SPAG16: variants seen among roughly 807,000 people sequenced by gnomAD.
SPAG16 encodes sperm associated antigen 16.
Under a neutral mutation model 80.4 loss-of-function variants are expected in SPAG16, and 86 were observed. The observed-to-expected ratio is 1.07, with a 90% CI of 0.90 to 1.28. The LOEUF (loss-of-function observed/expected upper bound fraction) is 1.28. Ranked by LOEUF, SPAG16 falls within the 50% of genes most tolerant of loss-of-function variation. The probability of loss-of-function intolerance (pLI) is 0.00; values close to 1 mark genes in which losing one functional copy is unlikely to be tolerated. For missense variants in SPAG16, 870 were observed against 765.3 expected (o/e 1.14, Z -1.61); for synonymous variants, 294 against 265.9 (o/e 1.11, Z -1.03).
chr2:213,522,685 G>A (rs954430823), intron 10 of SPAG16, among the ~76,000 whole-genome samples: 21 of 152,058 alleles, frequency 1.4e-4, no homozygotes, highest in African/African-American at 4.3e-4. Flanking sequence ...TGAAATGGGG[G>A]TCTGGGCAGC....
chr2:213,390,468 T>G (rs1440243069), intron 9 of SPAG16, among the ~76,000 whole-genome samples: 1 of 152,188 alleles, frequency 6.6e-6, no homozygotes, highest in Admixed American at 6.5e-5. Flanking sequence ...ACAGAAGGCA[T>G]GTTAGGAAGG....
At chr2:213,404,896 A>G (rs929675532) in intron 9 of SPAG16, among the ~76,000 whole-genome samples, 1 of 151,842 alleles carries the variant, frequency 6.6e-6, no homozygotes, top group Non-Finnish European at 1.5e-5. Context: ...TTGTGTGTAT[A>G]CTTTTTGTTT....
At chr2:213,450,471 C>T (rs1170731377) in intron 9 of SPAG16, among the ~76,000 whole-genome samples, 1 of 152,148 alleles carries the variant, frequency 6.6e-6, no homozygotes, top group African/African-American at 2.4e-5. Context: ...CCTATCTTAG[C>T]TCTTTAGGTG....
At chr2:213,798,509 C>T (rs868629179) in intron 10 of SPAG16, among the ~76,000 whole-genome samples, 1 of 152,146 alleles carries the variant, frequency 6.6e-6, no homozygotes, top group Non-Finnish European at 1.5e-5. Context: ...CCCACCTTGG[C>T]CTCCCAGAAT....
chr2:214,066,493 A>C (rs1239260321), intron 13 of SPAG16, among the ~76,000 whole-genome samples: 1 of 152,148 alleles, frequency 6.6e-6, no homozygotes, highest in Middle Eastern at 3.2e-3. Flanking sequence ...CATTTATTGC[A>C]TATCTCCTTC....
chr2:213,342,376 T>TTA lies in SPAG16; in HGVS notation c.644+2119_644+2120dup, dbSNP rs562141851. On this transcript the variant is annotated intron_variant, in intron 6 of 15. Coordinates refer to ENST00000331683, the MANE Select transcript of SPAG16 (RefSeq NM_024532.5). Reference sequence around the variant, plus strand: ...TATATATATATTACATATATATGTATTATATATATATATAAACACACACTA... The same window carrying TTA: ...TATATATATATTACATATATATGTATTATATATATATATATAAACACACACTA... 9.7e-3 allele frequency among the ~76,000 whole-genome samples: 1,382 copies of TTA among 142,510 alleles called. 13 individuals are homozygous for TTA. The highest frequency in any genetic ancestry group is 0.038 in the South Asian group (178 of 4,626). The allele number at this position is 142,510 out of a possible 152,430, so 93.5% of individuals were successfully genotyped here. A position where few individuals can be genotyped will look rare whatever the true frequency, so the allele number is the denominator to read the frequency against.
At chr2:214,244,394 GA>G (rs5838420) in intron 15 of SPAG16, among the ~76,000 whole-genome samples, 25,409 of 123,898 alleles carry the variant, frequency 0.21, 2,498 homozygotes, top group East Asian at 0.36. Flanking sequence ...CTGAAGTTCC[GA>G]AAAAAAAAAA....
At chr2:213,636,639 T>C (rs2062374991) in intron 10 of SPAG16, among the ~76,000 whole-genome samples, 1 of 152,158 alleles carries the variant, frequency 6.6e-6, no homozygotes, top group South Asian at 2.1e-4. Flanking sequence ...TTCAGCAGTG[T>C]TTTGTAGTTC....
At chr2:213,409,003 T>C (rs547186258) in intron 9 of SPAG16, among the ~76,000 whole-genome samples, 83 of 151,946 alleles carry the variant, frequency 5.5e-4, no homozygotes, top group Non-Finnish European at 9.9e-4. Context: ...ATGAAGGAAG[T>C]TCGCTTTGAA....
At chr2:213,714,289 A>C (rs1574911636) in intron 10 of SPAG16, among the ~76,000 whole-genome samples, 1 of 152,128 alleles carries the variant, frequency 6.6e-6, no homozygotes, top group East Asian at 1.9e-4. Context: ...TCTGCCAAAA[A>C]CTCTCATAAG....
chr2:214,310,373 G>C lies in SPAG16; in HGVS notation c.1721-99767G>C, dbSNP rs1001414858. Among the ~76,000 whole-genome samples, 6 of 152,026 alleles carry C rather than the reference G, an allele frequency of 3.9e-5. No homozygotes were observed. The South Asian group carries it at 8.3e-4, about 21-fold the overall frequency. ...TTCTGCTTGTTGTAGCTATACATTG[G>C]GCATATGAGCCAATTCACTCTCTTC... is the stretch of plus-strand genomic sequence containing the variant. On this transcript the variant is annotated intron_variant, in intron 15 of 15. Coordinates refer to ENST00000331683, the MANE Select transcript of SPAG16 (RefSeq NM_024532.5).
Position 213,379,298 on chromosome 2 carries a change from C to T in SPAG16, c.942+4179C>T, listed in dbSNP as rs139520780. The stretch of plus-strand genomic sequence containing the variant: ...CCATATATTGAATGCTGATTCAGAG[C>T]ATACACACCTTCTGGAGAACTTTGC... On this transcript the variant is annotated intron_variant, in intron 9 of 15. Transcript: ENST00000331683. Among the ~76,000 whole-genome samples, 97 of 152,254 alleles carry T rather than the reference C, an allele frequency of 6.4e-4. No homozygotes were observed. In the East Asian group the frequency reaches 0.017, roughly 26 times the overall value.
At position 214,327,036 on chromosome 2, in the gene SPAG16, T is replaced by G. The variant is rs1490220807; in HGVS notation, c.1721-83104T>G. Among the ~76,000 whole-genome samples the G allele has an allele frequency of 2.7e-5, 4 of 150,660 alleles. No individual in the cohort carries two copies. The East Asian group carries it at 5.9e-4, about 22-fold the overall frequency. The stretch of plus-strand genomic sequence containing the variant: ...TATAAAATCTGACTAGTTTTTAAAC[T>G]CTTACAAGCCATCCACAGAAGACAA... On this transcript the variant is annotated intron_variant, in intron 15 of 15. Coordinates refer to ENST00000331683, the MANE Select transcript of SPAG16 (RefSeq NM_024532.5).
intron 10 of SPAG16, among the ~76,000 whole-genome samples, chr2:213,703,076 T>G (rs1040867763): frequency 2.6e-5 from 4 of 152,204 alleles, no homozygotes; most frequent in Admixed American, 6.5e-5. Flanking sequence ...GTTTTAATGG[T>G]CAGTACACAC....
chr2:213,670,218 G>A (rs965281918), intron 10 of SPAG16, among the ~76,000 whole-genome samples: 3 of 151,790 alleles, frequency 2.0e-5, no homozygotes, highest in Non-Finnish European at 2.9e-5. Context: ...GGATGGTCTC[G>A]ATCTCCTGAC....
intron 11 of SPAG16, among the ~76,000 whole-genome samples, chr2:213,899,663 T>C (rs1328755847): frequency 6.6e-6 from 1 of 152,096 alleles, no homozygotes; most frequent in Non-Finnish European, 1.5e-5. Context: ...ACCACGTTTA[T>C]ATGAGAAACA....
intron 10 of SPAG16, among the ~76,000 whole-genome samples, chr2:213,823,357 C>T (rs1257870285): frequency 1.3e-5 from 2 of 151,740 alleles, no homozygotes; most frequent in Admixed American, 6.6e-5. Context: ...TTTTTATTTG[C>T]TTTGTTTTGT....
intron 15 of SPAG16, among the ~76,000 whole-genome samples, chr2:214,201,888 C>T (rs189109318): frequency 6.6e-6 from 1 of 151,868 alleles, no homozygotes; most frequent in East Asian, 1.9e-4. Context: ...CTCTGTTGCT[C>T]AGGCCAAAGT....
intron 13 of SPAG16, among the ~76,000 whole-genome samples, chr2:214,091,248 CATTTT>C (rs2052180744): frequency 6.6e-6 from 1 of 151,982 alleles, no homozygotes; most frequent in Non-Finnish European, 1.5e-5. Context: ...TTGTTCTAAG[CATTTT>C]ACATTATTAT....
Sources: gnomAD v4.1 joint callset for allele counts (sites outside exome capture counted in the v4.1 genomes callset) on GRCh38, gnomAD v4.1.1 for gene constraint, MANE v1.5 for transcripts, NCBI Gene and HGNC (gene_info 2026-07-23, HGNC 2026-07-21) for gene names.